Variants in MAGI2 observed in about 807,000 individuals in gnomAD.
MAGI2 encodes the protein membrane associated guanylate kinase, WW and PDZ domain containing 2.
Under a neutral mutation model 133.3 loss-of-function variants are expected in MAGI2, and 35 were observed. That is an observed-to-expected ratio of 0.26 (90% CI 0.20 to 0.35). MAGI2 has a LOEUF of 0.35. Among genes scored for constraint, MAGI2 ranks in the 10% least tolerant of loss-of-function variants. The probability of loss-of-function intolerance (pLI) is 1.00; values close to 1 mark genes in which losing one functional copy is unlikely to be tolerated. For synonymous variants in MAGI2, 729 were observed against 710.6 expected, an observed-to-expected ratio of 1.03 and a Z score of -0.41; for missense variants, 1,636 against 1,863.4, an observed-to-expected ratio of 0.88 and a Z score of 2.25.
At chr7:78,714,704 G>A (rs1024855961) in intron 2 of MAGI2, among the ~76,000 whole-genome samples, 12 of 152,148 alleles carry the variant, frequency 7.9e-5, no homozygotes, top group Admixed American at 4.6e-4. Flanking sequence ...AAAATCAGAT[G>A]AATATCTAAA....
At chr7:79,116,550 C>T (rs747295709) in intron 1 of MAGI2, among the ~76,000 whole-genome samples, 2 of 152,150 alleles carry the variant, frequency 1.3e-5, no homozygotes, top group Non-Finnish European at 2.9e-5. Context: ...TAATTACCTA[C>T]AGCTCCATTA....
At chr7:78,520,861 A>C (rs2150583270) in intron 4 of MAGI2, among the ~76,000 whole-genome samples, 1 of 152,298 alleles carries the variant, frequency 6.6e-6, no homozygotes, top group Non-Finnish European at 1.5e-5. Flanking sequence ...TAATGTATAA[A>C]GATACATTCT....
At chr7:78,729,074 A>G (rs1244349289) in intron 2 of MAGI2, among the ~76,000 whole-genome samples, 1 of 152,178 alleles carries the variant, frequency 6.6e-6, no homozygotes, top group East Asian at 1.9e-4. Flanking sequence ...GGCTATATCT[A>G]TGATAATGAT....
At chr7:78,744,492 G>C (rs921746540) in intron 2 of MAGI2, among the ~76,000 whole-genome samples, 1 of 152,046 alleles carries the variant, frequency 6.6e-6, no homozygotes, top group African/African-American at 2.4e-5. Context: ...TTAAAACATA[G>C]TATTGGTTTC....
chr7:78,274,950 G>C (rs1462732101), intron 9 of MAGI2, among the ~76,000 whole-genome samples: 3 of 151,960 alleles, frequency 2.0e-5, no homozygotes, highest in East Asian at 3.9e-4. Context: ...CCAGGGGAGT[G>C]AATGGTTCTG....
intron 9 of MAGI2, among the ~76,000 whole-genome samples, chr7:78,270,949 T>A (rs375913265): frequency 6.6e-6 from 1 of 151,932 alleles, no homozygotes; most frequent in Non-Finnish European, 1.5e-5. Flanking sequence ...ATTGAATACC[T>A]TTTTTTTCTT....
In MAGI2 at chr7:78,527,419, T is replaced by C. The variant is rs1797072347; in HGVS notation, c.539-5774A>G. ...AGTGATGATTTTACCTTTCTTCTGA[T>C]TCCTCTCAGATTTTTTCACATTGAT... On this transcript the variant is annotated intron_variant, in intron 3 of 21. Transcript: ENST00000354212. 1.3e-5 allele frequency among the ~76,000 whole-genome samples: 2 copies of C among 152,228 alleles called. 1 individual carries two copies. Among genetic ancestry groups the C allele is most frequent in the South Asian group, 4.1e-4 (2 of 4,834 alleles).
At chr7:78,639,440 C>G (rs1810040326) in intron 2 of MAGI2, among the ~76,000 whole-genome samples, 1 of 151,952 alleles carries the variant, frequency 6.6e-6, no homozygotes, top group African/African-American at 2.4e-5. Flanking sequence ...TTAATGAGTA[C>G]CCACTAGGAG....
At chr7:78,916,939 T>C (rs1448675319) in intron 2 of MAGI2, among the ~76,000 whole-genome samples, 4 of 152,100 alleles carry the variant, frequency 2.6e-5, no homozygotes, top group African/African-American at 9.7e-5. Flanking sequence ...ATTTCTGATA[T>C]TGGATCAAGA....
intron 2 of MAGI2, among the ~76,000 whole-genome samples, chr7:78,965,781 A>G (rs1424166291): frequency 6.6e-6 from 1 of 152,062 alleles, no homozygotes; most frequent in African/African-American, 2.4e-5. Flanking sequence ...TTGCCCTATA[A>G]AGCAGAACTT....
intron 1 of MAGI2, among the ~76,000 whole-genome samples, chr7:79,162,063 A>C (rs548707729): frequency 9.5e-4 from 145 of 152,200 alleles, no homozygotes; most frequent in African/African-American, 3.3e-3. Context: ...ATAGAAAAAA[A>C]AAAGCAGCTC....
intron 3 of MAGI2, among the ~76,000 whole-genome samples, chr7:78,533,875 C>T (rs1008094694): frequency 1.3e-5 from 2 of 151,916 alleles, no homozygotes; most frequent in Admixed American, 6.6e-5. Flanking sequence ...CCCAAGGATC[C>T]AGGACAATAG....
rs376865748 is a variant in MAGI2, at chr7:78,266,140, GTGTA to G, written c.1409-9563_1409-9560del. On this transcript the variant is annotated intron_variant, in intron 9 of 21. Coordinates refer to ENST00000354212, the MANE Select transcript of MAGI2 (RefSeq NM_012301.4). Reference sequence around the variant, plus strand: ...TGGTTGAAGGTTTTTGTAATTGTGTGTGTATGTGTGTGTTTACTACCTGACCTAG... The same window carrying G: ...TGGTTGAAGGTTTTTGTAATTGTGTGTGTGTGTGTTTACTACCTGACCTAG... Among the ~76,000 whole-genome samples, 334 of 152,324 alleles carry G rather than the reference GTGTA, an allele frequency of 2.2e-3. 2 individuals carry two copies. The highest frequency in any genetic ancestry group is 2.0e-3 in the Non-Finnish European group (133 of 68,026).
intron 9 of MAGI2, among the ~76,000 whole-genome samples, chr7:78,279,994 GCAAACCCAGCTTAAT>G (rs1385854096): frequency 2.0e-5 from 3 of 152,164 alleles, no homozygotes; most frequent in African/African-American, 4.8e-5. Context: ...AACATGGCAA[GCAAACCCAGCTTAAT>G]CAAACCCAGC....
At chr7:78,328,608 T>G (rs1788850705) in intron 9 of MAGI2, among the ~76,000 whole-genome samples, 3 of 151,368 alleles carry the variant, frequency 2.0e-5, no homozygotes, top group Non-Finnish European at 2.9e-5. Context: ...TGGATCACAA[T>G]CTTATACAAG....
chr7:78,580,426 C>T (rs1182828709), intron 3 of MAGI2, among the ~76,000 whole-genome samples: 1 of 152,148 alleles, frequency 6.6e-6, no homozygotes, highest in Non-Finnish European at 1.5e-5. Flanking sequence ...TAGAACAACT[C>T]ACAAATGTTA....
chr7:78,589,567 G>A (rs976519266), intron 3 of MAGI2, among the ~76,000 whole-genome samples: 2 of 152,040 alleles, frequency 1.3e-5, no homozygotes, highest in Admixed American at 6.6e-5. Flanking sequence ...TCTGCTTTCC[G>A]ACCCTAATTC....
At chr7:78,811,181 T>A (rs947599610) in intron 2 of MAGI2, among the ~76,000 whole-genome samples, 1 of 151,904 alleles carries the variant, frequency 6.6e-6, no homozygotes, top group African/African-American at 2.4e-5. Flanking sequence ...TCAGGTTTTA[T>A]AGAAAATTGA....
chr7:79,272,058 T>G (rs566469641), intron 1 of MAGI2, among the ~76,000 whole-genome samples: 1 of 152,288 alleles, frequency 6.6e-6, no homozygotes, highest in African/African-American at 2.4e-5. Flanking sequence ...AAAACCATTT[T>G]TATGAATTAT....
Sources: gnomAD v4.1 joint callset for allele counts (sites outside exome capture counted in the v4.1 genomes callset) on GRCh38, gnomAD v4.1.1 for gene constraint, MANE v1.5 for transcripts, NCBI Gene and HGNC (gene_info 2026-07-23, HGNC 2026-07-21) for gene names.